Variants in USP38 observed in about 807,000 individuals in gnomAD.
USP38 encodes the protein ubiquitin carboxyl-terminal hydrolase 38.
In USP38, 49 loss-of-function variants were observed where a neutral mutation model predicts 94.3. That is an observed-to-expected ratio of 0.52 (90% CI 0.41 to 0.66). USP38 has a LOEUF of 0.66. Among genes scored for constraint, USP38 ranks in the 30% least tolerant of loss-of-function variants. USP38 has a pLI of 0.00. For synonymous variants in USP38, 468 were observed against 463.6 expected (o/e 1.01, Z -0.12); for missense variants, 1,128 against 1,229.4 (o/e 0.92, Z 1.23).
At position 143,220,975 on chromosome 4, in the gene USP38, T is replaced by G. The variant is rs1277965074; in HGVS notation, c.*519T>G. 1 of 152,446 alleles carries G rather than the reference T, an allele frequency of 6.6e-6. No individual in the cohort carries two copies. The allele number at this position is 152,446 out of a possible 1,614,324, so 9.4% of individuals were successfully genotyped here. A position where few individuals can be genotyped will look rare whatever the true frequency, so the allele number is the denominator to read the frequency against. On this transcript the variant is annotated 3_prime_UTR_variant, in exon 10 of 10. Coordinates refer to ENST00000307017, the MANE Select transcript of USP38 (RefSeq NM_032557.6). Reference sequence around the variant, plus strand: ...AACAAAATTTATCAAGATATAGTACTTTTCAGTTTTTGTTTAGTGTCTTCA... The same window carrying G: ...AACAAAATTTATCAAGATATAGTACGTTTCAGTTTTTGTTTAGTGTCTTCA...
Position 143,221,398 on chromosome 4 carries a change from G to A in USP38, c.*942G>A, listed in dbSNP as rs191109388. ...TGTGATAGTTCATTTTTAACTCTTA[G>A]AAGAATTCAGAGGAAATTAACCCAG... On this transcript the variant is annotated 3_prime_UTR_variant, in exon 10 of 10. Coordinates refer to ENST00000307017, the MANE Select transcript of USP38 (RefSeq NM_032557.6). The A allele has an allele frequency of 6.6e-6, 1 of 152,478 alleles. No homozygotes were observed. The highest frequency in any genetic ancestry group is 1.9e-4 in the East Asian group (1 of 5,192). The allele number at this position is 152,478 out of a possible 1,614,324, so 9.4% of individuals were successfully genotyped here. A position where few individuals can be genotyped will look rare whatever the true frequency, so the allele number is the denominator to read the frequency against.
chr4:143,202,319 G>A (rs1229052660), intron 4 of USP38, among the ~76,000 whole-genome samples: 1 of 152,152 alleles, frequency 6.6e-6, no homozygotes, highest in Non-Finnish European at 1.5e-5. Context: ...AATGGAAATA[G>A]CACTGTGTTG....
At chr4:143,188,408 G>C (rs1581154101) in intron 2 of USP38, among the ~76,000 whole-genome samples, 1 of 151,690 alleles carries the variant, frequency 6.6e-6, no homozygotes, top group East Asian at 1.9e-4. Context: ...GTTTTAAATA[G>C]ATGATTTGGC....
intron 1 of USP38, 72 bp from the exon 2 acceptor site, chr4:143,187,753 TG>T: frequency 6.1e-6 from 9 of 1,475,504 alleles, no homozygotes; most frequent in East Asian, 2.4e-5. Context: ...TTTTTTTTTT[TG>T]TAAAGTGTTG....
rs1249394934 is a variant in USP38, at chr4:143,221,849, C to T, written c.*1393C>T. ...TGACAGTGGTTAAAAAACAGAAATC[C>T]TCATGTTTATTCCATTACCTCCCAT... On this transcript the variant is annotated 3_prime_UTR_variant, in exon 10 of 10. Coordinates refer to ENST00000307017, the MANE Select transcript of USP38 (RefSeq NM_032557.6). 1.3e-5 allele frequency: 2 copies of T among 152,032 alleles called. No individual in the cohort carries two copies. Among genetic ancestry groups the T allele is most frequent in the Non-Finnish European group, 2.9e-5 (2 of 67,952 alleles). 9.4% of individuals were successfully genotyped at this position (152,032 alleles called of 1,614,324 possible).
At chr4:143,197,954 A>G in intron 4 of USP38, 30 bp downstream of exon 4, 1 of 1,496,132 alleles carries the variant, frequency 6.7e-7, no homozygotes, top group Non-Finnish European at 9.1e-7. Context: ...TTCTACTTTG[A>G]AAAAGCCTCA....
Position 143,220,436 on chromosome 4 carries a change from G to A in USP38, c.3109G>A (p.Val1037Ile). The stretch of plus-strand genomic sequence containing the variant: ...AGGGGGTGGAGGAGGATTTAATACA[G>A]TTGGCAGACTCGTATTTTGATCCTG... Reference protein sequence around the residue: ...GGGGGGGFNTVGRLVF With the variant: ...GGGGGGGFNTIGRLVF Residue 1037 changes from valine to isoleucine, a missense_variant, in exon 10 of 10, where the codon GTT (valine) becomes ATT (isoleucine). Val to Ile is a conservative substitution (Grantham distance 29). Transcript: ENST00000307017. 1 of 1,612,156 alleles carries A rather than the reference G, an allele frequency of 6.2e-7. No homozygotes were observed.
At chr4:143,196,056 A>C (rs983491371) in intron 3 of USP38, among the ~76,000 whole-genome samples, 1 of 152,236 alleles carries the variant, frequency 6.6e-6, no homozygotes, top group Admixed American at 6.5e-5. Flanking sequence ...CTGTAATCCC[A>C]GCACTTTGGG....
chr4:143,191,139 A>G (rs994222103), intron 2 of USP38, among the ~76,000 whole-genome samples: 2 of 151,976 alleles, frequency 1.3e-5, no homozygotes, highest in African/African-American at 4.8e-5. Flanking sequence ...TTTACCATCC[A>G]CCTCCCACTT....
chr4:143,203,841 A>C (rs1157082886), intron 5 of USP38, among the ~76,000 whole-genome samples: 1 of 152,180 alleles, frequency 6.6e-6, no homozygotes, highest in African/African-American at 2.4e-5. Context: ...TTTAAAAAGA[A>C]ATGCTACGTT....
At position 143,189,518 on chromosome 4, in the gene USP38, C is replaced by G. The variant is rs560861095; in HGVS notation, c.818+1557C>G. The stretch of plus-strand genomic sequence containing the variant: ...CAGCTGCATTTGTACTAACTTCACT[C>G]TCTGTAACACAAACTCTGGGGACTT... On this transcript the variant is annotated intron_variant, in intron 2 of 9. Coordinates refer to ENST00000307017, the MANE Select transcript of USP38 (RefSeq NM_032557.6). Among the ~76,000 whole-genome samples the G allele has an allele frequency of 1.4e-4, 21 of 152,196 alleles. No individual in the cohort carries two copies. The South Asian group carries it at 4.3e-3, about 32-fold the overall frequency.
chr4:143,192,345 G>T lies in USP38; in HGVS notation c.819-3371G>T, dbSNP rs560469002. 4.9e-3 allele frequency among the ~76,000 whole-genome samples: 749 copies of T among 152,148 alleles called. 8 individuals are homozygous for T. Among genetic ancestry groups the T allele is most frequent in the African/African-American group, 0.017 (711 of 41,504 alleles). On this transcript the variant is annotated intron_variant, in intron 2 of 9. Coordinates refer to ENST00000307017, the MANE Select transcript of USP38 (RefSeq NM_032557.6). Reference sequence around the variant, plus strand: ...TGCCTAGCTAATTTTTGTATTTTTAGTAGAGATGGGGTTTCACCATGTTGG... The same window carrying T: ...TGCCTAGCTAATTTTTGTATTTTTATTAGAGATGGGGTTTCACCATGTTGG...
chr4:143,191,035 C>T (rs1731382250), intron 2 of USP38, among the ~76,000 whole-genome samples: 1 of 151,702 alleles, frequency 6.6e-6, no homozygotes, highest in Non-Finnish European at 1.5e-5. Context: ...ATTACATTTC[C>T]AGTGTAGCCT....
At chr4:143,188,117 C>T (rs1445638420) in intron 2 of USP38, among the ~76,000 whole-genome samples, 156 bp downstream of exon 2, 1 of 152,048 alleles carries the variant, frequency 6.6e-6, no homozygotes, top group Non-Finnish European at 1.5e-5. Flanking sequence ...TTGTTTATAG[C>T]GTTGACAGGC....
chr4:143,185,944 T>C lies in USP38; in HGVS notation c.494T>C (p.Ile165Thr), dbSNP rs1047566903. ...TGCATCCCCAAGGGGAAATTGTCCA[T>C]CACGTTCTGTCAACAGCTGGTTCGA... is the stretch of plus-strand genomic sequence containing the variant. ...VQCIPKGKLS[I>T]TFCQQLVRTI... The change falls in exon 1 of 10, where the codon ATC (isoleucine) becomes ACC (threonine). Residue 165 changes from isoleucine (I) to threonine (T), a missense_variant. By Grantham distance (89) the Ile-to-Thr change is moderately conservative (BLOSUM62 -1). Transcript: ENST00000307017. 1.2e-6 allele frequency: 2 copies of C among 1,614,030 alleles called. No individual in the cohort carries two copies. Among genetic ancestry groups the C allele is most frequent in the East Asian group, 2.2e-5 (1 of 44,878 alleles).
At chr4:143,188,923 A>G (rs569990401) in intron 2 of USP38, among the ~76,000 whole-genome samples, 5 of 152,084 alleles carry the variant, frequency 3.3e-5, no homozygotes, top group Non-Finnish European at 7.4e-5. Context: ...TTCTTGCCTT[A>G]GTGGTATATA....
At chr4:143,212,895 T>A (rs1283180193) in intron 8 of USP38, among the ~76,000 whole-genome samples, 3 of 152,186 alleles carry the variant, frequency 2.0e-5, no homozygotes, top group African/African-American at 7.2e-5. Flanking sequence ...TTTTAAAATG[T>A]TACTAATATT....
At chr4:143,206,958 C>T (rs1284274492) in intron 6 of USP38, among the ~76,000 whole-genome samples, 1 of 152,208 alleles carries the variant, frequency 6.6e-6, no homozygotes, top group East Asian at 1.9e-4. Context: ...GCAATAATTA[C>T]TGAACACATG....
Position 143,214,022 on chromosome 4 carries a change from TA to T in USP38, c.2048del (p.Asn683MetfsTer36). On this transcript the variant is annotated frameshift_variant, in exon 9 of 10. Transcript: ENST00000307017. LOFTEE classifies it high-confidence loss of function. ...VNEKTIGSPPNEFYCSENTSV... is the reference protein window; with the variant it reads ...VNEKTIGSPPXEFYCSENTSV... ...ATGAAAAAACCATAGGCAGTCCTCC[TA>T]ATGAGTTTTACTGTTCTGAAAACAC... 1 of 1,613,616 alleles carries T rather than the reference TA, an allele frequency of 6.2e-7. No individual in the cohort carries two copies. The highest frequency in any genetic ancestry group is 1.1e-5 in the South Asian group (1 of 91,074).
Sources: allele counts gnomAD v4.1 joint callset (sites outside exome capture counted in the v4.1 genomes callset), GRCh38; gene constraint gnomAD v4.1.1; transcripts MANE v1.5; gene names NCBI Gene and HGNC (gene_info 2026-07-23, HGNC 2026-07-21).